The following AFF3 variants were observed in gnomAD, a reference collection of about 807,000 sequenced individuals.
AFF3 encodes AF4/FMR2 family member 3.
A neutral mutation model predicts 129.7 loss-of-function variants in AFF3; 32 were observed. The ratio of observed to expected loss-of-function variants is 0.25; its 90% CI spans 0.19 to 0.33. AFF3 has a LOEUF of 0.33. Among genes scored for constraint, AFF3 ranks in the 10% least tolerant of loss-of-function variants. The probability of loss-of-function intolerance (pLI) is 1.00; values close to 1 mark genes in which losing one functional copy is unlikely to be tolerated. For synonymous variants in AFF3, 644 were observed against 635.4 expected (o/e 1.01, Z -0.20); for missense variants, 1,373 against 1,592.0 (o/e 0.86, Z 2.34).
intron 20 of AFF3, 112 bp downstream of exon 20, chr2:99,565,375 C>T: frequency 1.4e-6 from 2 of 1,455,676 alleles, no homozygotes; most frequent in Non-Finnish European, 1.9e-6. Context: ...GGGGGATGAA[C>T]ACTGGTTCCT....
chr2:99,572,179 G>GAA (rs1676529723), intron 18 of AFF3, among the ~76,000 whole-genome samples: 1 of 151,784 alleles, frequency 6.6e-6, no homozygotes, highest in African/African-American at 2.4e-5. Context: ...TGAGTGATCT[G>GAA]AAAGCCAGAG....
rs551496455 is a variant in AFF3 at position 99,695,192 on chromosome 2, C to A, written c.1092-22603G>T. Reference sequence around the variant, plus strand: ...TCTGTGTATTTCATACTTAAGCCTACCTCAGCTCAGACTCCCCATTTCAAG... The same window carrying A: ...TCTGTGTATTTCATACTTAAGCCTAACTCAGCTCAGACTCCCCATTTCAAG... On this transcript the variant is annotated intron_variant, in intron 11 of 24. Coordinates refer to ENST00000672756, the MANE Select transcript of AFF3 (RefSeq NM_001386135.1). Among the ~76,000 whole-genome samples the A allele has an allele frequency of 1.1e-3, 168 of 152,284 alleles. 1 individual carries two copies. Among genetic ancestry groups the A allele is most frequent in the South Asian group, 8.1e-3 (39 of 4,826 alleles).
chr2:99,926,422 C>G (rs1431175654), intron 7 of AFF3, among the ~76,000 whole-genome samples: 1 of 152,160 alleles, frequency 6.6e-6, no homozygotes, highest in African/African-American at 2.4e-5. Flanking sequence ...GAGCTGGATG[C>G]TACTGTTTAA....
At position 99,548,059 on chromosome 2, in the gene AFF3, C is replaced by T; in HGVS notation, c.*3415G>A. 9.6e-6 allele frequency: 2 copies of T among 208,822 alleles called. No homozygotes were observed. Among genetic ancestry groups the T allele is most frequent in the Non-Finnish European group, 2.0e-5 (2 of 102,258 alleles). 12.9% of individuals were successfully genotyped at this position (208,822 alleles called of 1,614,324 possible). On this transcript the variant is annotated 3_prime_UTR_variant, in exon 25 of 25. Coordinates refer to ENST00000672756, the MANE Select transcript of AFF3 (RefSeq NM_001386135.1). ...CTCTCTCTCCAGGCACGATTCTGCA[C>T]ATGAGTCTGATCTGTGTAGAGTAGT...
intron 8 of AFF3, among the ~76,000 whole-genome samples, chr2:99,763,924 G>A (rs1403796138): frequency 1.3e-5 from 2 of 152,184 alleles, no homozygotes; most frequent in Admixed American, 1.3e-4. Context: ...AGAATGGGAC[G>A]CTGATTAATC....
intron 4 of AFF3, 27 bp downstream of exon 4, chr2:100,104,375 C>G (rs1436987706): frequency 3.7e-6 from 4 of 1,076,914 alleles, no homozygotes; most frequent in Non-Finnish European, 4.6e-6. Flanking sequence ...CTCCCGCCCG[C>G]CCGAAGCGGC....
intron 4 of AFF3, among the ~76,000 whole-genome samples, chr2:100,029,850 A>G (rs543761500): frequency 6.6e-6 from 1 of 152,254 alleles, no homozygotes; most frequent in African/African-American, 2.4e-5. Context: ...AGACTGCTTG[A>G]GCCTGGGAGT....
At chr2:100,068,093 A>G (rs1422694703) in intron 4 of AFF3, among the ~76,000 whole-genome samples, 1 of 152,224 alleles carries the variant, frequency 6.6e-6, no homozygotes, top group African/African-American at 2.4e-5. Flanking sequence ...GTACTGCCGA[A>G]GGCCGCAAGA....
In AFF3 at chr2:99,702,305, T is replaced by C. The variant is rs138490265; in HGVS notation, c.1091+24772A>G. Among the ~76,000 whole-genome samples, 343 of 152,240 alleles carry C rather than the reference T, an allele frequency of 2.3e-3. 5 individuals carry two copies. The East Asian group carries it at 0.044, about 19-fold the overall frequency. On this transcript the variant is annotated intron_variant, in intron 11 of 24. Coordinates refer to ENST00000672756, the MANE Select transcript of AFF3 (RefSeq NM_001386135.1). Reference sequence around the variant, plus strand: ...ATTATTTTAGACATTCTGGTAGGTATGTACTGGTATCTCATCTCATTGTGG... The same window carrying C: ...ATTATTTTAGACATTCTGGTAGGTACGTACTGGTATCTCATCTCATTGTGG...
At chr2:99,677,917 C>G (rs1020759012) in intron 11 of AFF3, among the ~76,000 whole-genome samples, 3 of 152,106 alleles carry the variant, frequency 2.0e-5, no homozygotes, top group Admixed American at 2.0e-4. Context: ...CTCCTAGGCT[C>G]AAGCAATCGT....
intron 7 of AFF3, among the ~76,000 whole-genome samples, chr2:99,838,131 C>T (rs1247819314): frequency 1.3e-5 from 2 of 152,136 alleles, no homozygotes; most frequent in African/African-American, 2.4e-5. Context: ...GCAGATGTTC[C>T]GAGGTGCAGT....
intron 13 of AFF3, among the ~76,000 whole-genome samples, chr2:99,637,647 A>G (rs982518746): frequency 2.0e-5 from 3 of 152,200 alleles, no homozygotes; most frequent in African/African-American, 7.2e-5. Context: ...GCAAGTGCTT[A>G]ATTTAATCTA....
At chr2:100,015,305 T>TCA (rs1682920085) in intron 4 of AFF3, among the ~76,000 whole-genome samples, 1 of 152,132 alleles carries the variant, frequency 6.6e-6, no homozygotes, top group East Asian at 1.9e-4. Context: ...ACAGTTTATA[T>TCA]CAGGCTGCCT....
chr2:99,786,437 T>C (rs758246886), intron 8 of AFF3, among the ~76,000 whole-genome samples: 2 of 152,224 alleles, frequency 1.3e-5, no homozygotes, highest in African/African-American at 4.8e-5. Context: ...AAAGGTAGAA[T>C]ATTGAATGTT....
intron 13 of AFF3, among the ~76,000 whole-genome samples, chr2:99,630,099 G>A (rs1000364810): frequency 2.6e-5 from 4 of 152,312 alleles, no homozygotes; most frequent in Admixed American, 2.0e-4. Flanking sequence ...ATGGAAGGGT[G>A]AGCTCAGGAA....
chr2:99,725,357 T>A (rs1679281523), intron 11 of AFF3, among the ~76,000 whole-genome samples: 1 of 152,080 alleles, frequency 6.6e-6, no homozygotes, highest in Non-Finnish European at 1.5e-5. Context: ...CTTTTTATTT[T>A]TTTATTTATT....
At chr2:99,855,315 TGA>T (rs1216322315) in intron 7 of AFF3, among the ~76,000 whole-genome samples, 1 of 152,184 alleles carries the variant, frequency 6.6e-6, no homozygotes, top group Non-Finnish European at 1.5e-5. Flanking sequence ...GTATGATGTG[TGA>T]GTTATGTCTT....
At chr2:100,105,295 AGAGTGAGCTGT>A in intron 3 of AFF3, 198 bp downstream of exon 3, 1 of 1,182,428 alleles carries the variant, frequency 8.5e-7, no homozygotes, top group Non-Finnish European at 1.1e-6. Context: ...AGGCGCGGGG[AGAGTGAGCTGT>A]GCCGCCCGCA....
At chr2:100,114,660 G>A (rs1297865277) in intron 2 of AFF3, among the ~76,000 whole-genome samples, 2 of 152,104 alleles carry the variant, frequency 1.3e-5, no homozygotes, top group African/African-American at 4.8e-5. Flanking sequence ...GGGATTACAG[G>A]CGTGAGCCAC....
Sources: allele counts gnomAD v4.1 joint callset (sites outside exome capture counted in the v4.1 genomes callset), GRCh38; gene constraint gnomAD v4.1.1; transcripts MANE v1.5; gene names NCBI Gene and HGNC (gene_info 2026-07-23, HGNC 2026-07-21).